Variants in DLGAP1 observed in about 807,000 individuals in gnomAD.
DLGAP1 encodes disks large-associated protein 1.
A neutral mutation model predicts 90.8 loss-of-function variants in DLGAP1; 11 were observed. The observed-to-expected ratio is 0.12, with a 90% CI of 0.08 to 0.20. DLGAP1 has a LOEUF of 0.20. Among genes scored for constraint, DLGAP1 ranks in the 10% least tolerant of loss-of-function variants. The probability of loss-of-function intolerance (pLI) is 1.00; values close to 1 mark genes in which losing one functional copy is unlikely to be tolerated. For synonymous variants in DLGAP1, 558 were observed against 540.7 expected (o/e 1.03, Z -0.44); for missense variants, 1,050 against 1,333.8 (o/e 0.79, Z 3.31).
At chr18:4,022,424 C>CACCA (rs57508669) in intron 2 of DLGAP1, among the ~76,000 whole-genome samples, 1 of 147,292 alleles carries the variant, frequency 6.8e-6, no homozygotes, top group Admixed American at 6.8e-5. Context: ...CACACACACA[C>CACCA]CACACACACA....
intron 5 of DLGAP1, 71 bp from the exon 6 acceptor site, chr18:3,742,583 AT>A: frequency 1.3e-6 from 2 of 1,548,618 alleles, no homozygotes; most frequent in Non-Finnish European, 1.8e-6. Context: ...ATGTGGCACT[AT>A]TGTCATTTAT....
At position 3,775,926 on chromosome 18, in the gene DLGAP1, G is replaced by C. The variant is rs998248110; in HGVS notation, c.1173-33414C>G. 7.2e-5 allele frequency among the ~76,000 whole-genome samples: 11 copies of C among 152,126 alleles called. No homozygotes were observed. The highest frequency in any genetic ancestry group is 1.3e-4 in the Non-Finnish European group (9 of 68,030). ...TTGAACTTGAGATAAATGATGTCTA[G>C]ATCTAGTAAATGGTAAAGGTGCAGC... is the stretch of plus-strand genomic sequence containing the variant. On this transcript the variant is annotated intron_variant, in intron 5 of 12. Transcript: ENST00000315677. The surrounding 1 kb of genome is among the most constrained non-coding windows in gnomAD (Gnocchi z 4.9).
intron 1 of DLGAP1, among the ~76,000 whole-genome samples, chr18:4,369,002 C>G (rs34524852): frequency 1.3e-5 from 2 of 151,900 alleles, no homozygotes; most frequent in African/African-American, 4.8e-5. Context: ...CAAGTTTAAC[C>G]GACACAGCTA....
chr18:3,860,350 A>G (rs1470909433), intron 4 of DLGAP1, among the ~76,000 whole-genome samples: 1 of 152,080 alleles, frequency 6.6e-6, no homozygotes, highest in Non-Finnish European at 1.5e-5. Flanking sequence ...GGCATCATAT[A>G]ATGTCCCATT....
intron 7 of DLGAP1, among the ~76,000 whole-genome samples, chr18:3,684,961 A>T (rs762370583): frequency 2.9e-4 from 44 of 152,208 alleles, no homozygotes; most frequent in Non-Finnish European, 4.7e-4. Context: ...GAAAACAGTA[A>T]TCCTGTATTG....
chr18:3,678,152 G>A lies in DLGAP1; in HGVS notation c.1591+50983C>T, dbSNP rs1172728705. Among the ~76,000 whole-genome samples, 104 of 133,434 alleles carry A rather than the reference G, an allele frequency of 7.8e-4. No individual in the cohort carries two copies. In the Middle Eastern group the frequency reaches 0.039, roughly 50 times the overall value. 87.5% of individuals were successfully genotyped at this position (133,434 alleles called of 152,430 possible). On this transcript the variant is annotated intron_variant, in intron 7 of 12. Transcript: ENST00000315677. ...AATTTTTGTATTTTTAGTAGAGACAGGGTTTCACCATGTTGGCCAGGCTGG... is the reference window on the plus strand; with the variant it reads ...AATTTTTGTATTTTTAGTAGAGACAAGGTTTCACCATGTTGGCCAGGCTGG...
chr18:4,093,681 G>A (rs934395775), intron 2 of DLGAP1, among the ~76,000 whole-genome samples: 7 of 152,036 alleles, frequency 4.6e-5, no homozygotes, highest in Non-Finnish European at 8.8e-5. Flanking sequence ...TTGTTTTTGT[G>A]TGTCTGTTAC....
At chr18:4,003,284 T>C (rs946210033) in intron 3 of DLGAP1, among the ~76,000 whole-genome samples, 1 of 152,180 alleles carries the variant, frequency 6.6e-6, no homozygotes, top group African/African-American at 2.4e-5. Context: ...GAATTGGCCA[T>C]GGGTCCAGAT....
At chr18:3,619,643 G>A (rs373529898) in intron 7 of DLGAP1, among the ~76,000 whole-genome samples, 3 of 151,768 alleles carry the variant, frequency 2.0e-5, no homozygotes, top group Non-Finnish European at 4.4e-5. Flanking sequence ...CCCGTCCTGC[G>A]ACACTGCTTT....
intron 1 of DLGAP1, among the ~76,000 whole-genome samples, chr18:4,369,325 C>T (rs1449922476): frequency 1.3e-5 from 2 of 152,036 alleles, no homozygotes; most frequent in Non-Finnish European, 2.9e-5. Flanking sequence ...GTGAAAAATC[C>T]TATACCTGGC....
chr18:3,772,191 T>G (rs1163600938), intron 5 of DLGAP1, among the ~76,000 whole-genome samples: 1 of 145,346 alleles, frequency 6.9e-6, no homozygotes, highest in African/African-American at 2.6e-5. Flanking sequence ...CCTTCCTTCC[T>G]TTCTCTTCTT....
Position 4,073,119 on chromosome 18 carries a change from G to A in DLGAP1, c.-158-67918C>T, listed in dbSNP as rs371170804. ...GAGATTAAGATGGGATGGGAAAGAG[G>A]AGAAGTATAAACTGTGGAAAGAAAA... On this transcript the variant is annotated intron_variant, in intron 2 of 12. Coordinates refer to ENST00000315677, the MANE Select transcript of DLGAP1 (RefSeq NM_004746.4). Among the ~76,000 whole-genome samples, 345 of 152,256 alleles carry A rather than the reference G, an allele frequency of 2.3e-3. 9 individuals carry two copies. In the South Asian group the frequency reaches 0.042, roughly 19 times the overall value.
At chr18:3,774,903 A>C (rs978398040) in intron 5 of DLGAP1, among the ~76,000 whole-genome samples, 1 of 152,028 alleles carries the variant, frequency 6.6e-6, no homozygotes, top group African/African-American at 2.4e-5. Context: ...CAAAGAAAAC[A>C]ACCACCCCCT....
intron 1 of DLGAP1, among the ~76,000 whole-genome samples, chr18:4,304,794 G>A (rs537855346): frequency 3.9e-5 from 6 of 152,192 alleles, no homozygotes; most frequent in East Asian, 1.9e-4. Context: ...AGCTGGGCGC[G>A]GTGGCGGGCA....
chr18:4,056,076 A>G (rs1021965365), intron 2 of DLGAP1, among the ~76,000 whole-genome samples: 1 of 152,210 alleles, frequency 6.6e-6, no homozygotes, highest in Non-Finnish European at 1.5e-5. Flanking sequence ...TTCATGTGGT[A>G]TATAAATTCA....
intron 10 of DLGAP1, among the ~76,000 whole-genome samples, chr18:3,520,242 C>T (rs1253259503): frequency 6.6e-6 from 1 of 152,100 alleles, no homozygotes; most frequent in African/African-American, 2.4e-5. Flanking sequence ...CTCCCTGCTA[C>T]CCTGAGGCCT....
chr18:4,181,581 T>G lies in DLGAP1; in HGVS notation c.-266-30294A>C, dbSNP rs1348830215. On this transcript the variant is annotated intron_variant, in intron 1 of 12. Coordinates refer to ENST00000315677, the MANE Select transcript of DLGAP1 (RefSeq NM_004746.4). The stretch of plus-strand genomic sequence containing the variant: ...TAACAAAACCGAAAGCTCCTGTGTC[T>G]GATCTTTTAATAGACTTTCAAGGAC... Among the ~76,000 whole-genome samples, 10 of 152,328 alleles carry G rather than the reference T, an allele frequency of 6.6e-5. No homozygotes were observed. In the East Asian group the frequency reaches 1.9e-3, roughly 29 times the overall value.
chr18:4,421,992 G>C (rs2083047259), intron 1 of DLGAP1, among the ~76,000 whole-genome samples: 1 of 152,126 alleles, frequency 6.6e-6, no homozygotes, highest in African/African-American at 2.4e-5. Flanking sequence ...AGGATTACAG[G>C]TGTGAGCCAC....
chr18:3,683,362 C>A (rs1376922007), intron 7 of DLGAP1, among the ~76,000 whole-genome samples: 1 of 152,034 alleles, frequency 6.6e-6, no homozygotes, highest in Non-Finnish European at 1.5e-5. Flanking sequence ...CCAAAAATAC[C>A]AACAATATAT....
Sources: allele counts gnomAD v4.1 joint callset (sites outside exome capture counted in the v4.1 genomes callset), GRCh38; gene constraint gnomAD v4.1.1; non-coding constraint Gnocchi (gnomAD v3.1); transcripts MANE v1.5; gene names NCBI Gene and HGNC (gene_info 2026-07-23, HGNC 2026-07-21).